Variants in QTMAN observed in about 807,000 individuals in gnomAD.
QTMAN encodes the protein tRNA-queuosine alpha-mannosyltransferase.
chr2:143,993,440 T>C, the QTMAN span, among the ~76,000 whole-genome samples: 6 of 151,490 alleles, frequency 4.0e-5, no homozygotes, highest in Admixed American at 6.6e-5. Context: ...GCAGATATGA[T>C]TAAGCATCCT....
chr2:144,166,323 G>A, the QTMAN span, among the ~76,000 whole-genome samples: 5 of 152,166 alleles, frequency 3.3e-5, no homozygotes, highest in Admixed American at 1.3e-4. Flanking sequence ...CTGCAAGAAG[G>A]CTTTCCAGGT....
At chr2:144,282,855 G>A in the QTMAN span, among the ~76,000 whole-genome samples, 1 of 152,074 alleles carries the variant, frequency 6.6e-6, no homozygotes, top group Non-Finnish European at 1.5e-5. Context: ...AGGGGAAAGG[G>A]AATAGATAAT....
At chr2:144,093,587 C>T in the QTMAN span, among the ~76,000 whole-genome samples, 3 of 152,196 alleles carry the variant, frequency 2.0e-5, no homozygotes, top group African/African-American at 7.2e-5. Flanking sequence ...CTTGGCTACA[C>T]ATGGTATATT....
chr2:144,107,293 C>G, the QTMAN span, among the ~76,000 whole-genome samples: 1 of 152,068 alleles, frequency 6.6e-6, no homozygotes, highest in South Asian at 2.1e-4. Context: ...ACAAAAAACC[C>G]TTCAAAAAAT....
At chr2:144,172,922 A>G in the QTMAN span, among the ~76,000 whole-genome samples, 1 of 152,178 alleles carries the variant, frequency 6.6e-6, no homozygotes, top group East Asian at 1.9e-4. Context: ...AATGAAGCCA[A>G]ATGAAGCTTC....
At chr2:144,299,881 A>G in the QTMAN span, among the ~76,000 whole-genome samples, 6 of 152,368 alleles carry the variant, frequency 3.9e-5, no homozygotes, top group Admixed American at 2.6e-4. Context: ...TCAGTGGACG[A>G]ATGGAGAAAT....
the QTMAN span, among the ~76,000 whole-genome samples, chr2:143,957,499 A>G: frequency 6.6e-6 from 1 of 152,140 alleles, no homozygotes; most frequent in Non-Finnish European, 1.5e-5. Flanking sequence ...CAGAAGCAGA[A>G]CCAAATGTTA....
chr2:144,130,627 T>C, the QTMAN span, among the ~76,000 whole-genome samples: 1 of 151,958 alleles, frequency 6.6e-6, no homozygotes, highest in Non-Finnish European at 1.5e-5. Flanking sequence ...GTGCTTACTA[T>C]AGCTCAAGAA....
chr2:144,314,728 T>C, the QTMAN span, among the ~76,000 whole-genome samples: 8 of 151,978 alleles, frequency 5.3e-5, no homozygotes, highest in African/African-American at 1.2e-4. Flanking sequence ...AATAAATAAA[T>C]AGAAACAGTG....
chr2:143,956,978 T>A, the QTMAN span, among the ~76,000 whole-genome samples: 1 of 152,180 alleles, frequency 6.6e-6, no homozygotes, highest in Non-Finnish European at 1.5e-5. Context: ...CTGGCCCTTA[T>A]GCCTTTATAC....
chr2:144,133,682 T>C, the QTMAN span, among the ~76,000 whole-genome samples: 1 of 147,758 alleles, frequency 6.8e-6, no homozygotes, highest in Non-Finnish European at 1.5e-5. Flanking sequence ...GAAAGATTTA[T>C]ATTAGATATA....
the QTMAN span, among the ~76,000 whole-genome samples, chr2:144,038,926 T>G: frequency 3.3e-5 from 5 of 152,094 alleles, no homozygotes; most frequent in African/African-American, 1.2e-4. Context: ...AAAACATCCT[T>G]TTTGCTGGCT....
chr2:144,163,257 G>A, the QTMAN span, among the ~76,000 whole-genome samples: 6,945 of 151,730 alleles, frequency 0.046, 529 homozygotes, highest in African/African-American at 0.16. Context: ...TATCTCCAAA[G>A]TTCTATTATA....
the QTMAN span, among the ~76,000 whole-genome samples, chr2:144,228,582 G>GA: frequency 6.6e-6 from 1 of 152,192 alleles, no homozygotes; most frequent in Non-Finnish European, 1.5e-5. Context: ...AGAATGGGGG[G>GA]AGAGAAAACG....
chr2:144,074,300 C>T, the QTMAN span, among the ~76,000 whole-genome samples: 3 of 152,130 alleles, frequency 2.0e-5, no homozygotes, highest in Admixed American at 6.5e-5. Flanking sequence ...TAATAACACA[C>T]TGAAATATGT....
At chr2:144,272,843 C>T in the QTMAN span, among the ~76,000 whole-genome samples, 1 of 151,998 alleles carries the variant, frequency 6.6e-6, no homozygotes, top group African/African-American at 2.4e-5. Context: ...TTTAAAATCC[C>T]CATTTTAGCT....
chr2:144,124,810 T>C, the QTMAN span, among the ~76,000 whole-genome samples: 1 of 152,160 alleles, frequency 6.6e-6, no homozygotes, highest in Non-Finnish European at 1.5e-5. Context: ...ATTTGCTTCC[T>C]TTGCTAGACA....
the QTMAN span, among the ~76,000 whole-genome samples, chr2:144,021,028 A>G: frequency 6.4e-3 from 967 of 152,196 alleles, 11 homozygotes; most frequent in African/African-American, 0.022. Context: ...AAATAAGGTC[A>G]ATTTAGGAGT....
At chr2:144,054,801 T>G in the QTMAN span, among the ~76,000 whole-genome samples, 4 of 152,222 alleles carry the variant, frequency 2.6e-5, no homozygotes, top group Admixed American at 6.5e-5. Context: ...CTTACTATAA[T>G]GCTAGTAATG....
Sources: gnomAD v4.1 joint callset for allele counts (sites outside exome capture counted in the v4.1 genomes callset) on GRCh38, gnomAD v4.1.1 for gene constraint, MANE v1.5 for transcripts, NCBI Gene and HGNC (gene_info 2026-07-23, HGNC 2026-07-21) for gene names.